The following CHODL variants were observed in gnomAD, a reference collection of about 807,000 sequenced individuals.
The protein encoded by CHODL is chondrolectin.
A neutral mutation model predicts 34.5 loss-of-function variants in CHODL; 29 were observed. The observed-to-expected ratio is 0.84, with a 90% confidence interval of 0.63 to 1.15. The LOEUF (loss-of-function observed/expected upper bound fraction) is 1.15. Among genes scored for constraint, CHODL ranks in the 50% most tolerant of loss-of-function variants. The probability of loss-of-function intolerance (pLI) is 0.00; values close to 1 mark genes in which losing one functional copy is unlikely to be tolerated. For missense variants in CHODL, 332 were observed against 332.5 expected, an observed-to-expected ratio of 1.00 and a Z score of 0.01; for synonymous variants, 125 against 116.1, an observed-to-expected ratio of 1.08 and a Z score of -0.49.
intron 1 of CHODL, among the ~76,000 whole-genome samples, chr21:17,959,865 ATTATAT>A (rs1413944283): frequency 7.2e-5 from 11 of 152,226 alleles, no homozygotes; most frequent in Non-Finnish European, 1.5e-5. Flanking sequence ...ACTCAGTGTA[ATTATAT>A]TTATAATTTT....
chr21:18,043,574 C>T (rs758076692), intron 2 of CHODL, among the ~76,000 whole-genome samples: 3 of 151,854 alleles, frequency 2.0e-5, no homozygotes, highest in Admixed American at 6.6e-5. Context: ...TCTTTCCATT[C>T]TCACTAGAAC....
At chr21:18,125,605 TTAA>T (rs2065533124) in intron 2 of CHODL, among the ~76,000 whole-genome samples, 2 of 151,636 alleles carry the variant, frequency 1.3e-5, no homozygotes, top group African/African-American at 2.4e-5. Context: ...AATTAATTAA[TTAA>T]TTTTTGAGAT....
intron 1 of CHODL, among the ~76,000 whole-genome samples, chr21:17,951,404 G>A (rs1024543909): frequency 7.2e-5 from 11 of 152,134 alleles, no homozygotes; most frequent in East Asian, 3.9e-4. Context: ...AGGACAGAGC[G>A]TCATCAAACT....
At chr21:18,216,015 C>T (rs2073824313) in intron 2 of CHODL, among the ~76,000 whole-genome samples, 3 of 151,668 alleles carry the variant, frequency 2.0e-5, no homozygotes. Flanking sequence ...TATCTTTTTC[C>T]TTTTTTTGCA....
intron 1 of CHODL, among the ~76,000 whole-genome samples, chr21:17,967,457 G>A (rs2063581349): frequency 6.6e-6 from 1 of 152,118 alleles, no homozygotes; most frequent in Non-Finnish European, 1.5e-5. Context: ...TAGCTTCAGA[G>A]TGTTTTTATT....
At chr21:17,950,515 CACACACACACACACACACACTT>C (rs1428731584) in intron 1 of CHODL, among the ~76,000 whole-genome samples, 1 of 124,006 alleles carries the variant, frequency 8.1e-6, no homozygotes, top group African/African-American at 3.1e-5. Flanking sequence ...CACACACACA[CACACACACACACACACACACTT>C]CTTTAAAGCC....
At chr21:18,163,727 A>T (rs2073122737) in intron 2 of CHODL, among the ~76,000 whole-genome samples, 1 of 151,994 alleles carries the variant, frequency 6.6e-6, no homozygotes, top group Admixed American at 6.6e-5. Flanking sequence ...AAGTTTCTTG[A>T]GGTATTGTTT....
intron 1 of CHODL, among the ~76,000 whole-genome samples, chr21:17,978,837 G>C (rs1176863300): frequency 6.6e-6 from 1 of 151,936 alleles, no homozygotes; most frequent in Non-Finnish European, 1.5e-5. Flanking sequence ...ATTGTTGACA[G>C]AATTAAGTTC....
intron 2 of CHODL, among the ~76,000 whole-genome samples, chr21:18,103,293 A>C (rs949646574): frequency 6.6e-6 from 1 of 152,216 alleles, no homozygotes; most frequent in Non-Finnish European, 1.5e-5. Flanking sequence ...AAATAGTTTT[A>C]AATATAAACA....
intron 1 of CHODL, among the ~76,000 whole-genome samples, chr21:17,971,516 G>A (rs1235975001): frequency 2.0e-5 from 3 of 151,954 alleles, no homozygotes; most frequent in Non-Finnish European, 4.4e-5. Flanking sequence ...ATGTTTGTTG[G>A]CCACATACAT....
Position 18,167,209 on chromosome 21 carries a change from C to CTG in CHODL, c.-44-89299_-44-89298insGT, listed in dbSNP as rs769948179. On this transcript the variant is annotated intron_variant, in intron 2 of 6. Transcript: ENST00000400127. ...TATTTCACCATTCCCATTTCTCTCT[C>CTG]TCTGTGTGTGTGTGTGTGTGTGTGT... Among the ~76,000 whole-genome samples the CTG allele has an allele frequency of 9.6e-3, 1,244 of 129,050 alleles. 9 individuals carry two copies. The highest frequency in any genetic ancestry group is 0.043 in the Middle Eastern group (10 of 234). 84.7% of individuals were successfully genotyped at this position (129,050 alleles called of 152,430 possible). A position where few individuals can be genotyped will look rare whatever the true frequency, so the allele number is the denominator to read the frequency against.
intron 2 of CHODL, among the ~76,000 whole-genome samples, chr21:18,222,167 A>C (rs1364516039): frequency 1.3e-5 from 2 of 152,144 alleles, no homozygotes; most frequent in African/African-American, 2.4e-5. Flanking sequence ...GGCTTTGAGG[A>C]GCTCATGCTT....
At chr21:18,237,826 T>C (rs1020697261) in intron 2 of CHODL, among the ~76,000 whole-genome samples, 8 of 152,142 alleles carry the variant, frequency 5.3e-5, no homozygotes, top group Non-Finnish European at 1.0e-4. Flanking sequence ...CTACTGTTTA[T>C]TTACAGTAGG....
intron 1 of CHODL, among the ~76,000 whole-genome samples, chr21:17,947,155 G>A (rs2063416988): frequency 6.6e-6 from 1 of 152,006 alleles, no homozygotes. Flanking sequence ...ATCATGTCTA[G>A]TACTTGTTCT....
At chr21:18,231,832 C>T (rs1289301246) in intron 2 of CHODL, among the ~76,000 whole-genome samples, 1 of 151,058 alleles carries the variant, frequency 6.6e-6, no homozygotes, top group Non-Finnish European at 1.5e-5. Flanking sequence ...TAATGGCTTC[C>T]CAAGCCACGG....
intron 2 of CHODL, among the ~76,000 whole-genome samples, chr21:18,061,278 C>T (rs157060): frequency 0.46 from 70,108 of 151,868 alleles, 16,948 homozygotes; most frequent in Middle Eastern, 0.53. Context: ...TTCTGAACTT[C>T]GGAAGTTCAG....
At chr21:18,097,335 C>T (rs1029033626) in intron 2 of CHODL, among the ~76,000 whole-genome samples, 1 of 152,052 alleles carries the variant, frequency 6.6e-6, no homozygotes, top group Non-Finnish European at 1.5e-5. Context: ...AAAGAATCCA[C>T]AAGAAAACTA....
chr21:18,252,836 T>A (rs971766588), intron 1 of CHODL, among the ~76,000 whole-genome samples: 2 of 151,636 alleles, frequency 1.3e-5, no homozygotes, highest in Non-Finnish European at 2.9e-5. Flanking sequence ...GCCCTGAGAG[T>A]CTCCCGACCG....
intron 2 of CHODL, among the ~76,000 whole-genome samples, chr21:18,144,181 G>T (rs571195773): frequency 6.6e-6 from 1 of 152,030 alleles, no homozygotes; most frequent in Non-Finnish European, 1.5e-5. Flanking sequence ...TAAATTTCTG[G>T]GGTCATTTAT....
Sources: allele counts gnomAD v4.1 joint callset (sites outside exome capture counted in the v4.1 genomes callset), GRCh38; gene constraint gnomAD v4.1.1; transcripts MANE v1.5; gene names NCBI Gene and HGNC (gene_info 2026-07-23, HGNC 2026-07-21).